Variants in KAT6B observed in about 807,000 individuals in gnomAD.
The protein encoded by KAT6B is lysine acetyltransferase 6B, also known as histone acetyltransferase KAT6B.
Under a neutral mutation model 187.5 loss-of-function variants are expected in KAT6B, and 10 were observed. That is an observed-to-expected ratio of 0.05 (90% CI 0.03 to 0.09). The LOEUF (loss-of-function observed/expected upper bound fraction) is 0.09. Among genes scored for constraint, KAT6B ranks in the 10% least tolerant of loss-of-function variants. The probability of loss-of-function intolerance (pLI) is 1.00; values close to 1 mark genes in which losing one functional copy is unlikely to be tolerated. For synonymous variants in KAT6B, 861 were observed against 926.8 expected (o/e 0.93, Z 1.29); for missense variants, 1,952 against 2,558.9 (o/e 0.76, Z 5.12).
chr10:74,976,743 C>G (rs1184298948), intron 8 of KAT6B: 1 of 309,478 alleles, frequency 3.2e-6, no homozygotes, highest in Admixed American at 4.9e-5. Context: ...CAGCTCTTCC[C>G]TCTGCTCCAT....
At chr10:74,979,050 T>C (rs773479757) in intron 9 of KAT6B, among the ~76,000 whole-genome samples, 174 bp from the exon 10 acceptor site, 1 of 152,206 alleles carries the variant, frequency 6.6e-6, no homozygotes, top group African/African-American at 2.4e-5. Flanking sequence ...ATAAAAACAG[T>C]AATTACTTTT....
At chr10:74,973,136 A>C (rs1243895674) in intron 7 of KAT6B, among the ~76,000 whole-genome samples, 2 of 152,268 alleles carry the variant, frequency 1.3e-5, no homozygotes, top group Non-Finnish European at 2.9e-5. Flanking sequence ...AAAAACCTGC[A>C]GATGACCACT....
At chr10:74,830,747 TATATATATATATATATATATA>T (rs1380622841) in intron 1 of KAT6B, among the ~76,000 whole-genome samples, 16 of 22,584 alleles carry the variant, frequency 7.1e-4, no homozygotes, top group South Asian at 3.8e-3. Context: ...TATATATATA[TATATATATATATATATATATA>T]TTTTTTTTTT....
intron 3 of KAT6B, among the ~76,000 whole-genome samples, chr10:74,881,637 A>G (rs912765509): frequency 2.6e-5 from 4 of 152,096 alleles, no homozygotes; most frequent in Admixed American, 6.6e-5. Flanking sequence ...GATGCCATTA[A>G]CCAGCACACA....
intron 3 of KAT6B, among the ~76,000 whole-genome samples, chr10:74,927,974 A>G (rs1445122123): frequency 6.6e-6 from 1 of 152,232 alleles, no homozygotes; most frequent in African/African-American, 2.4e-5. Context: ...GTGCTCCAGG[A>G]AAAAGAAATG....
In KAT6B at chr10:74,902,736, G is replaced by A. The variant is rs553707459; in HGVS notation, c.622-57234G>A. On this transcript the variant is annotated intron_variant, in intron 3 of 17. Transcript: ENST00000287239. ...GGCTGTCAGGCCTACGTTAAAAACT[G>A]TGGTAATTTGGTGTGAATCTTTTAT... 1.6e-4 allele frequency among the ~76,000 whole-genome samples: 25 copies of A among 152,314 alleles called. No homozygotes were observed. In the South Asian group the frequency reaches 5.2e-3, roughly 32 times the overall value.
chr10:75,002,073 A>G (rs977834677), intron 13 of KAT6B, among the ~76,000 whole-genome samples: 1 of 152,144 alleles, frequency 6.6e-6, no homozygotes, highest in African/African-American at 2.4e-5. Flanking sequence ...GAGGATGGGT[A>G]TGGGTAGCAG....
intron 3 of KAT6B, among the ~76,000 whole-genome samples, chr10:74,909,037 A>T (rs1847001889): frequency 6.6e-6 from 1 of 152,214 alleles, no homozygotes; most frequent in Non-Finnish European, 1.5e-5. Context: ...GACATGAGAA[A>T]TCTGAAAAGT....
At chr10:74,997,680 C>A (rs1843531584) in intron 13 of KAT6B, among the ~76,000 whole-genome samples, 1 of 152,130 alleles carries the variant, frequency 6.6e-6, no homozygotes, top group South Asian at 2.1e-4. Context: ...TTACAACTTA[C>A]CCAAATCTAA....
At chr10:74,873,595 C>T (rs1431717788) in intron 3 of KAT6B, among the ~76,000 whole-genome samples, 1 of 152,028 alleles carries the variant, frequency 6.6e-6, no homozygotes, top group African/African-American at 2.4e-5. Context: ...GAGGCATAGA[C>T]TGGGGTTTTG....
In KAT6B at chr10:75,017,347, T is replaced by C. The variant is rs923658434; in HGVS notation, c.2630-3235T>C. Reference sequence around the variant, plus strand: ...ATGTTGTGAAGAGCCTAGAAAAAAATAGAGGCCGGGCACAGTGGCTCACGC... The same window carrying C: ...ATGTTGTGAAGAGCCTAGAAAAAAACAGAGGCCGGGCACAGTGGCTCACGC... On this transcript the variant is annotated intron_variant, in intron 13 of 17. Coordinates refer to ENST00000287239, the MANE Select transcript of KAT6B (RefSeq NM_012330.4). Among the ~76,000 whole-genome samples the C allele has an allele frequency of 4.0e-5, 6 of 151,866 alleles. No homozygotes were observed. In the East Asian group the frequency reaches 1.2e-3, roughly 29 times the overall value.
At chr10:74,893,973 A>G (rs1049698638) in intron 3 of KAT6B, among the ~76,000 whole-genome samples, 2 of 152,222 alleles carry the variant, frequency 1.3e-5, no homozygotes, top group Non-Finnish European at 2.9e-5. Context: ...TAGCTTGAAC[A>G]CTAAATTTGT....
At chr10:74,985,295 G>C in intron 12 of KAT6B, 54 bp downstream of exon 12, 1 of 1,561,708 alleles carries the variant, frequency 6.4e-7, no homozygotes, top group Non-Finnish European at 8.8e-7. Context: ...GTTTTTGGTA[G>C]AGCCCAATTC....
rs1846244690 is a variant in KAT6B, at chr10:75,030,634, C to G, written c.5810C>G (p.Ala1937Gly). 2 of 1,613,388 alleles carry G rather than the reference C, an allele frequency of 1.2e-6. No individual in the cohort carries two copies. The highest frequency in any genetic ancestry group is 1.7e-6 in the Non-Finnish European group (2 of 1,179,406). ...TKSASLSPAAATHQSQIYGRS... is the reference protein window; with the variant it reads ...TKSASLSPAAGTHQSQIYGRS... Reference sequence around the variant, plus strand: ...TCAGCGTCTCTGTCACCAGCCGCTGCCACCCATCAGTCACAAATCTATGGG... The same window carrying G: ...TCAGCGTCTCTGTCACCAGCCGCTGGCACCCATCAGTCACAAATCTATGGG... The change falls in exon 18 of 18, where the codon GCC becomes GGC. Residue 1937 changes from alanine (A) to glycine (G), a missense_variant. By Grantham distance (60) the Ala-to-Gly change is moderately conservative. Around this residue, in one of 9 missense-constraint regions of KAT6B, gnomAD observed 358 missense variants for 436.3 expected, o/e 0.82. Transcript: ENST00000287239. This position sits in a 1 kb window ranked among gnomAD's most constrained non-coding sequence, Gnocchi z 4.8.
chr10:74,970,098 A>G lies in KAT6B; in HGVS notation c.925A>G (p.Lys309Glu), dbSNP rs1330998451. 6.2e-6 allele frequency: 10 copies of G among 1,604,870 alleles called. No individual in the cohort carries two copies. Among genetic ancestry groups the G allele is most frequent in the East Asian group, 2.2e-5 (1 of 44,832 alleles). Residue 309 changes from lysine to glutamate, a missense_variant, in exon 6 of 18, where the codon AAA becomes GAA. Lys to Glu is a moderately conservative substitution (Grantham distance 56). Transcript: ENST00000287239. ...CCDPPLSRMPKGMWICQVCRP... is the reference protein window; with the variant it reads ...CCDPPLSRMPEGMWICQVCRP... ...TGACCCACCACTTTCCAGAATGCCA[A>G]AAGGTGAACTTCTAAACTGTACTAA...
chr10:74,948,832 G>C (rs1840121878), intron 3 of KAT6B, among the ~76,000 whole-genome samples: 2 of 152,182 alleles, frequency 1.3e-5, no homozygotes, highest in Non-Finnish European at 2.9e-5. Context: ...TTACAATACA[G>C]AATTTCTACC....
rs150126146 is a variant in KAT6B at position 75,005,088 on chromosome 10, C to A, written c.2630-15494C>A. ...TTAGTGCTATACCTCATTTGGGTTT[C>A]AAGAGAACTATTCCCCCTTGAACAT... is the stretch of plus-strand genomic sequence containing the variant. On this transcript the variant is annotated intron_variant, in intron 13 of 17. Coordinates refer to ENST00000287239, the MANE Select transcript of KAT6B (RefSeq NM_012330.4). 1.0e-3 allele frequency among the ~76,000 whole-genome samples: 155 copies of A among 152,246 alleles called. 1 individual carries two copies. Among genetic ancestry groups the A allele is most frequent in the African/African-American group, 3.5e-3 (146 of 41,544 alleles).
At position 74,843,465 on chromosome 10, in the gene KAT6B, A is replaced by G; in HGVS notation, c.608A>G (p.His203Arg). Residue 203 changes from histidine (H) to arginine (R), a missense_variant, in exon 3 of 18, where the codon CAT (histidine) becomes CGT (arginine). By Grantham distance (29) the His-to-Arg change is conservative. Transcript: ENST00000287239. ...CTCCCACCTGTCAGCCTTCTACCCC[A>G]TGAGAAAGACCAGGTAAGCGAAGGA... ...SSLPPVSLLPHEKDQPRADPI... is the reference protein window; with the variant it reads ...SSLPPVSLLPREKDQPRADPI... 6.2e-7 allele frequency: 1 copy of G among 1,613,644 alleles called. No homozygotes were observed. The highest frequency in any genetic ancestry group is 8.5e-7 in the Non-Finnish European group (1 of 1,180,018).
intron 13 of KAT6B, among the ~76,000 whole-genome samples, chr10:75,007,060 T>TC (rs762705212): frequency 2.1e-3 from 289 of 138,896 alleles, no homozygotes; most frequent in Middle Eastern, 3.9e-3. Context: ...AGAGTGAGAC[T>TC]CCATCTCAAA....
Sources: gnomAD v4.1 joint callset for allele counts (sites outside exome capture counted in the v4.1 genomes callset) on GRCh38, gnomAD v4.1.1 for gene constraint, gnomAD v4.1.1 regional missense constraint, Gnocchi (gnomAD v3.1) non-coding constraint, MANE v1.5 for transcripts, NCBI Gene and HGNC (gene_info 2026-07-23, HGNC 2026-07-21) for gene names.